Variants in OSBPL6 observed in about 807,000 individuals in gnomAD.
OSBPL6 encodes the protein oxysterol-binding protein-related protein 6.
A neutral mutation model predicts 125.8 loss-of-function variants in OSBPL6; 49 were observed. The ratio of observed to expected loss-of-function variants is 0.39; its 90% CI spans 0.31 to 0.49. The LOEUF (loss-of-function observed/expected upper bound fraction) is 0.49, where lower values mean the gene tolerates loss of function less well. Ranked by LOEUF, OSBPL6 falls within the 20% of genes least tolerant of loss-of-function variation. The pLI is 0.88. For synonymous variants in OSBPL6, 394 were observed against 391.8 expected (o/e 1.01, Z -0.07); for missense variants, 986 against 1,135.4 (o/e 0.87, Z 1.89).
intron 1 of OSBPL6, among the ~76,000 whole-genome samples, chr2:178,241,358 C>T (rs548921120): frequency 1.8e-4 from 28 of 151,614 alleles, no homozygotes; most frequent in South Asian, 8.3e-4. Context: ...GTGGTCCTCC[C>T]GCCTCGGCCT....
intron 13 of OSBPL6, 65 bp downstream of exon 13, chr2:178,361,880 A>C: frequency 1.9e-6 from 3 of 1,587,488 alleles, no homozygotes; most frequent in Non-Finnish European, 2.6e-6. Context: ...TGAAAGATCA[A>C]AAGATGGGGG....
chr2:178,292,917 A>T (rs547979796), intron 2 of OSBPL6, among the ~76,000 whole-genome samples: 1 of 152,246 alleles, frequency 6.6e-6, no homozygotes, highest in South Asian at 2.1e-4. Flanking sequence ...TGACTTTTTC[A>T]TGTTTAGAAT....
intron 1 of OSBPL6, among the ~76,000 whole-genome samples, chr2:178,254,910 G>T (rs1283399424): frequency 1.3e-5 from 2 of 152,232 alleles, no homozygotes; most frequent in African/African-American, 2.4e-5. Flanking sequence ...AAAGGAAAGA[G>T]GTTTAATGGA....
At chr2:178,296,997 T>C (rs1455556764) in intron 2 of OSBPL6, among the ~76,000 whole-genome samples, 1 of 152,192 alleles carries the variant, frequency 6.6e-6, no homozygotes, top group African/African-American at 2.4e-5. Flanking sequence ...ATGTTGTAAT[T>C]AGTAGATGGT....
chr2:178,212,648 T>G (rs1184004663), intron 1 of OSBPL6, among the ~76,000 whole-genome samples: 2 of 152,222 alleles, frequency 1.3e-5, no homozygotes, highest in African/African-American at 4.8e-5. Context: ...TAGCTGGAAA[T>G]TACTTGTGTC....
At chr2:178,242,178 T>C (rs1173919769) in intron 1 of OSBPL6, among the ~76,000 whole-genome samples, 2 of 152,250 alleles carry the variant, frequency 1.3e-5, no homozygotes, top group Admixed American at 6.5e-5. Flanking sequence ...GGAAAGTATG[T>C]ACTCAGAAAA....
At chr2:178,253,780 G>T (rs1452308399) in intron 1 of OSBPL6, among the ~76,000 whole-genome samples, 1 of 152,174 alleles carries the variant, frequency 6.6e-6, no homozygotes, top group Non-Finnish European at 1.5e-5. Flanking sequence ...GACACTGCTA[G>T]GGATTGAATG....
chr2:178,380,586 C>T (rs1575024224), intron 15 of OSBPL6, among the ~76,000 whole-genome samples: 2 of 150,574 alleles, frequency 1.3e-5, no homozygotes, highest in South Asian at 2.1e-4. Flanking sequence ...ATATTGCTGA[C>T]GAGAACAAAC....
intron 23 of OSBPL6, 92 bp from the exon 24 acceptor site, chr2:178,394,221 A>G: frequency 1.3e-6 from 2 of 1,495,752 alleles, no homozygotes; most frequent in East Asian, 2.3e-5. Flanking sequence ...TTTTATGTTC[A>G]TAGCAATTAG....
intron 1 of OSBPL6, among the ~76,000 whole-genome samples, chr2:178,263,810 TGTGTG>T (rs1253844285): frequency 1.9e-5 from 2 of 104,624 alleles, no homozygotes; most frequent in African/African-American, 6.6e-5. Flanking sequence ...TGTACACGTG[TGTGTG>T]TGTGTGTGTG....
intron 1 of OSBPL6, among the ~76,000 whole-genome samples, chr2:178,202,231 A>G (rs1289428075): frequency 1.3e-5 from 2 of 152,158 alleles, no homozygotes; most frequent in Admixed American, 1.3e-4. Context: ...GGTGCCTTTC[A>G]TTCCTTTTTG....
chr2:178,202,389 G>A (rs1297397847), intron 1 of OSBPL6, among the ~76,000 whole-genome samples: 1 of 152,116 alleles, frequency 6.6e-6, no homozygotes, highest in Admixed American at 6.6e-5. Context: ...TATTTTCACT[G>A]GGCATAAAAT....
chr2:178,227,121 C>T (rs1430709325), intron 1 of OSBPL6, among the ~76,000 whole-genome samples: 2 of 152,088 alleles, frequency 1.3e-5, no homozygotes, highest in East Asian at 3.9e-4. Context: ...GTGTGAACAA[C>T]CCACTAGAAA....
rs772344430 is a variant in OSBPL6 at position 178,339,115 on chromosome 2, G to A, written c.894+21G>A. On this transcript the variant is annotated intron_variant, in intron 10 of 24. Coordinates refer to ENST00000190611, the MANE Select transcript of OSBPL6 (RefSeq NM_032523.4). ...TGCAGGTAAACATATTCCTGCTGCT[G>A]GTAAAAGGACTTAGGGTATTAATTA... 2.4e-5 allele frequency: 36 copies of A among 1,470,786 alleles called. No homozygotes were observed. In the East Asian group the frequency reaches 8.0e-4, roughly 33 times the overall value. 91.1% of individuals were successfully genotyped at this position (1,470,786 alleles called of 1,614,324 possible).
chr2:178,199,523 T>C (rs1460796543), intron 1 of OSBPL6, among the ~76,000 whole-genome samples: 1 of 152,084 alleles, frequency 6.6e-6, no homozygotes, highest in African/African-American at 2.4e-5. Flanking sequence ...CTTCAACCTT[T>C]AGCTGCCTGT....
At chr2:178,301,024 A>G (rs2154055052) in intron 2 of OSBPL6, among the ~76,000 whole-genome samples, 1 of 152,238 alleles carries the variant, frequency 6.6e-6, no homozygotes, top group African/African-American at 2.4e-5. Flanking sequence ...ATTATTAGTT[A>G]AAACATTAAA....
At chr2:178,302,095 A>T (rs185355517) in intron 2 of OSBPL6, among the ~76,000 whole-genome samples, 231 of 152,294 alleles carry the variant, frequency 1.5e-3, no homozygotes, top group Non-Finnish European at 2.8e-3. Context: ...AGCAAGTTCT[A>T]GAAGTCTTCC....
chr2:178,207,997 G>A (rs1239639150), intron 1 of OSBPL6, among the ~76,000 whole-genome samples: 3 of 152,024 alleles, frequency 2.0e-5, no homozygotes, highest in Admixed American at 2.0e-4. Flanking sequence ...TAGAAATAAA[G>A]TGCCGGGCTG....
intron 11 of OSBPL6, among the ~76,000 whole-genome samples, chr2:178,347,104 A>G (rs1690793819): frequency 6.6e-6 from 1 of 151,438 alleles, no homozygotes; most frequent in Admixed American, 6.6e-5. Flanking sequence ...TCCAACATTT[A>G]ATAGAGAAAT....
Sources: gnomAD v4.1 joint callset for allele counts (sites outside exome capture counted in the v4.1 genomes callset) on GRCh38, gnomAD v4.1.1 for gene constraint, MANE v1.5 for transcripts, NCBI Gene and HGNC (gene_info 2026-07-23, HGNC 2026-07-21) for gene names.